Variants in SPRN observed in about 807,000 individuals in gnomAD.
The protein encoded by SPRN is hypothetical protein BC004409.
For missense variants in SPRN, 312 were observed against 241.4 expected (o/e 1.29, Z -1.94); for synonymous variants, 182 against 123.4 (o/e 1.48, Z -3.15).
intron 1 of SPRN, among the ~76,000 whole-genome samples, 174 bp downstream of exon 1, chr10:133,424,299 G>A (rs1333362925): frequency 7.0e-6 from 1 of 142,624 alleles, no homozygotes; most frequent in Non-Finnish European, 1.5e-5. Context: ...CCTCCCGCGC[G>A]CGCCCGGCGC....
In SPRN at chr10:133,423,478, G is replaced by T. The variant is rs1850298281; in HGVS notation, c.204C>A (p.Ala68=). 1.5e-5 allele frequency: 17 copies of T among 1,160,566 alleles called. No homozygotes were observed. The highest frequency in any genetic ancestry group is 4.8e-5 in the Admixed American group (1 of 20,752). The allele number at this position is 1,160,566 out of a possible 1,614,324, so 71.9% of individuals were successfully genotyped here. A position where few individuals can be genotyped will look rare whatever the true frequency, so the allele number is the denominator to read the frequency against. Residue 68 remains alanine (A), a synonymous_variant, in exon 2 of 2, where the codon GCC becomes GCA. Transcript: ENST00000685335. ...CCGCCGCCCCGGCTGCCGCCCCGGC[G>T]GCAGCCACGCGCAGGGAGGAGCCCG... ...GAPGSSLRVA[A]AGAAAGAAAG...
In SPRN at chr10:133,423,483, C is replaced by A; in HGVS notation, c.199G>T (p.Ala67Ser). The change falls in exon 2 of 2, where the codon GCT becomes TCT. Residue 67 changes from alanine (A) to serine (S), a missense_variant. Coordinates refer to ENST00000685335, the MANE Select transcript of SPRN (RefSeq NM_001391974.1). ...YGAPGSSLRV[A>S]AAGAAAGAAA... ...GCCCCGGCTGCCGCCCCGGCGGCAGCCACGCGCAGGGAGGAGCCCGGGGCA... is the reference window on the plus strand; with the variant it reads ...GCCCCGGCTGCCGCCCCGGCGGCAGACACGCGCAGGGAGGAGCCCGGGGCA... 3.4e-6 allele frequency: 4 copies of A among 1,161,246 alleles called. No individual in the cohort carries two copies. Among genetic ancestry groups the A allele is most frequent in the Non-Finnish European group, 4.2e-6 (4 of 946,786 alleles). The allele number at this position is 1,161,246 out of a possible 1,614,324, so 71.9% of individuals were successfully genotyped here. A position where few individuals can be genotyped will look rare whatever the true frequency, so the allele number is the denominator to read the frequency against.
chr10:133,422,987 G>T lies in SPRN; in HGVS notation c.*239C>A, dbSNP rs1313196025. ...CAGGCAGCTGCCTTTTTGGCTGAGG[G>T]GACCCTAACATCCTGGAGTGGGTGG... On this transcript the variant is annotated 3_prime_UTR_variant, in exon 2 of 2. Coordinates refer to ENST00000685335, the MANE Select transcript of SPRN (RefSeq NM_001391974.1). 2 of 418,282 alleles carry T rather than the reference G, an allele frequency of 4.8e-6. No homozygotes were observed. The highest frequency in any genetic ancestry group is 8.5e-6 in the Non-Finnish European group (2 of 235,826). 25.9% of individuals were successfully genotyped at this position (418,282 alleles called of 1,614,324 possible). A position where few individuals can be genotyped will look rare whatever the true frequency, so the allele number is the denominator to read the frequency against.
Position 133,423,216 on chromosome 10 carries a change from C to G in SPRN, c.*10G>C. 1 of 1,412,148 alleles carries G rather than the reference C, an allele frequency of 7.1e-7. No homozygotes were observed. 87.5% of individuals were successfully genotyped at this position (1,412,148 alleles called of 1,614,324 possible). A position where few individuals can be genotyped will look rare whatever the true frequency, so the allele number is the denominator to read the frequency against. On this transcript the variant is annotated 3_prime_UTR_variant, in exon 2 of 2. Coordinates refer to ENST00000685335, the MANE Select transcript of SPRN (RefSeq NM_001391974.1). ...CGGGGGCCAGATGTGGTCCCCGAGC[C>G]CAGCCAGGCCTAGGGCCGCAGCAGC...
chr10:133,423,010 TG>T lies in SPRN; in HGVS notation c.*215del. The T allele has an allele frequency of 2.1e-6, 1 of 465,820 alleles. No individual in the cohort carries two copies. Among genetic ancestry groups the T allele is most frequent in the Non-Finnish European group, 3.8e-6 (1 of 266,548 alleles). 28.9% of individuals were successfully genotyped at this position (465,820 alleles called of 1,614,324 possible). The stretch of plus-strand genomic sequence containing the variant: ...GGGGACCCTAACATCCTGGAGTGGG[TG>T]GGGCAGGGCCCATGGTCTCCTCTAG... On this transcript the variant is annotated 3_prime_UTR_variant, in exon 2 of 2. Transcript: ENST00000685335.
rs1285106861 is a variant in SPRN at position 133,423,593 on chromosome 10, C to T, written c.89G>A (p.Gly30Asp). Reference sequence around the variant, plus strand: ...CCCTCCCCGGGCACTGCCCCGCGCACCTCCGCGGCCGCCCTTGGCTGCGCC... The same window carrying T: ...CCCTCCCCGGGCACTGCCCCGCGCATCTCCGCGGCCGCCCTTGGCTGCGCC... ...DSGAAKGGRG[G>D]ARGSARGGVR... Residue 30 changes from glycine to aspartate, a missense_variant, in exon 2 of 2, where the codon GGT becomes GAT. Coordinates refer to ENST00000685335, the MANE Select transcript of SPRN (RefSeq NM_001391974.1). The T allele has an allele frequency of 5.3e-5, 80 of 1,498,888 alleles. No homozygotes were observed. Among genetic ancestry groups the T allele is most frequent in the Non-Finnish European group, 6.7e-5 (76 of 1,126,586 alleles). The allele number at this position is 1,498,888 out of a possible 1,614,324, so 92.8% of individuals were successfully genotyped here.
At chr10:133,423,952 G>C (rs1180306604) in intron 1 of SPRN, among the ~76,000 whole-genome samples, 1 of 151,324 alleles carries the variant, frequency 6.6e-6, no homozygotes, top group African/African-American at 2.4e-5. Flanking sequence ...ACCTGGATTG[G>C]GGGTGTAGAA....
At position 133,421,085 on chromosome 10, in the gene SPRN, C is replaced by CTTTT. The variant is rs1199349324; in HGVS notation, c.*2140_*2141insAAAA. The CTTTT allele has an allele frequency of 6.6e-6, 1 of 152,318 alleles. No homozygotes were observed. The highest frequency in any genetic ancestry group is 1.5e-5 in the Non-Finnish European group (1 of 68,120). 9.4% of individuals were successfully genotyped at this position (152,318 alleles called of 1,614,324 possible). On this transcript the variant is annotated 3_prime_UTR_variant, in exon 2 of 2. Transcript: ENST00000685335. The stretch of plus-strand genomic sequence containing the variant: ...TCCTGTGCAGAAGCTCCGGCTGCCT[C>CTTTT]TTTGCGGTGGTGGCCTGACCGTCCC...
Position 133,422,926 on chromosome 10 carries a change from C to T in SPRN, c.*300G>A, listed in dbSNP as rs1850278835. The T allele has an allele frequency of 1.7e-5, 5 of 292,942 alleles. No homozygotes were observed. Among genetic ancestry groups the T allele is most frequent in the Non-Finnish European group, 3.2e-5 (5 of 157,948 alleles). 18.1% of individuals were successfully genotyped at this position (292,942 alleles called of 1,614,324 possible). ...GGCCTTGGCACCTCCCTTTGGGCGGCGATGGAGCGTGGCTGGGCGGTTGGT... is the reference window on the plus strand; with the variant it reads ...GGCCTTGGCACCTCCCTTTGGGCGGTGATGGAGCGTGGCTGGGCGGTTGGT... On this transcript the variant is annotated 3_prime_UTR_variant, in exon 2 of 2. Coordinates refer to ENST00000685335, the MANE Select transcript of SPRN (RefSeq NM_001391974.1).
At position 133,422,994 on chromosome 10, in the gene SPRN, A is replaced by G; in HGVS notation, c.*232T>C. 2.3e-6 allele frequency: 1 copy of G among 430,976 alleles called. No individual in the cohort carries two copies. Among genetic ancestry groups the G allele is most frequent in the Non-Finnish European group, 4.1e-6 (1 of 244,022 alleles). 26.7% of individuals were successfully genotyped at this position (430,976 alleles called of 1,614,324 possible). A position where few individuals can be genotyped will look rare whatever the true frequency, so the allele number is the denominator to read the frequency against. ...CTGCCTTTTTGGCTGAGGGGACCCT[A>G]ACATCCTGGAGTGGGTGGGGCAGGG... On this transcript the variant is annotated 3_prime_UTR_variant, in exon 2 of 2. Transcript: ENST00000685335.
chr10:133,422,728 T>A lies in SPRN; in HGVS notation c.*498A>T, dbSNP rs1324580563. ...GGCAGGTGGTTAGCACCTAACGTTT[T>A]TCCCTCACTTCCCCCCAAATTCTTA... On this transcript the variant is annotated 3_prime_UTR_variant, in exon 2 of 2. Coordinates refer to ENST00000685335, the MANE Select transcript of SPRN (RefSeq NM_001391974.1). The A allele has an allele frequency of 6.6e-6, 1 of 152,574 alleles. No homozygotes were observed. The highest frequency in any genetic ancestry group is 2.4e-5 in the African/African-American group (1 of 41,246). 9.5% of individuals were successfully genotyped at this position (152,574 alleles called of 1,614,324 possible).
At position 133,423,414 on chromosome 10, in the gene SPRN, T is replaced by A. The variant is rs1459638069; in HGVS notation, c.268A>T (p.Arg90Ter). The A allele has an allele frequency of 7.0e-7, 1 of 1,425,118 alleles. No homozygotes were observed. The highest frequency in any genetic ancestry group is 2.4e-5 in the Admixed American group (1 of 41,290). The allele number at this position is 1,425,118 out of a possible 1,614,324, so 88.3% of individuals were successfully genotyped here. A position where few individuals can be genotyped will look rare whatever the true frequency, so the allele number is the denominator to read the frequency against. The change falls in exon 2 of 2, where the codon AGA becomes TGA. Residue 90 changes from arginine (R) to a stop codon, truncating the protein, a stop_gained. Coordinates refer to ENST00000685335, the MANE Select transcript of SPRN (RefSeq NM_001391974.1). LOFTEE classifies it low-confidence loss of function (END_TRUNC). ...AAGLAAGSGW[R>*]RAAGPGERGL... ...CGTTCCCCGGGTCCCGCGGCCCTTC[T>A]CCAGCCCGAGCCCGCCGCCAGGCCC... is the stretch of plus-strand genomic sequence containing the variant.
rs1482063956 is a variant in SPRN, at chr10:133,423,502, C to G, written c.180G>C (p.Pro60=). ...CGGCAGCCACGCGCAGGGAGGAGCC[C>G]GGGGCACCGTAGCGCTGCGCCGGCC... ...RVRPAQRYGA[P]GSSLRVAAAG... The change falls in exon 2 of 2, where the codon CCG becomes CCC. Residue 60 remains proline, a synonymous_variant. Coordinates refer to ENST00000685335, the MANE Select transcript of SPRN (RefSeq NM_001391974.1). The G allele has an allele frequency of 3.4e-6, 4 of 1,171,164 alleles. No homozygotes were observed. In the African/African-American group the frequency reaches 4.9e-5, roughly 14 times the overall value. The allele number at this position is 1,171,164 out of a possible 1,614,324, so 72.5% of individuals were successfully genotyped here.
In SPRN at chr10:133,423,118, G is replaced by A; in HGVS notation, c.*108C>T. On this transcript the variant is annotated 3_prime_UTR_variant, in exon 2 of 2. Coordinates refer to ENST00000685335, the MANE Select transcript of SPRN (RefSeq NM_001391974.1). ...GGACAGCCAGCAGCTCCTGCACCCA[G>A]TGGGGCTCCAAGACCGTGGGCAAGG... 8.6e-7 allele frequency: 1 copy of A among 1,162,520 alleles called. No homozygotes were observed. Among genetic ancestry groups the A allele is most frequent in the Non-Finnish European group, 1.2e-6 (1 of 861,638 alleles). 72.0% of individuals were successfully genotyped at this position (1,162,520 alleles called of 1,614,324 possible).
Position 133,423,273 on chromosome 10 carries a change from G to C in SPRN, c.409C>G (p.Leu137Val), listed in dbSNP as rs936458959. The change falls in exon 2 of 2, where the codon CTC (leucine) becomes GTC (valine). Residue 137 changes from leucine to valine, a missense_variant. By Grantham distance (32) the Leu-to-Val change is conservative (BLOSUM62 1). Transcript: ENST00000685335. ...AGPTRGPRLC[L>V]VLGGALGALG... The stretch of plus-strand genomic sequence containing the variant: ...GCTCCGAGGGCGCCGCCCAGCACGA[G>C]ACAGAGACGCGGGCCGCGCGTGGGT... 23 of 1,513,766 alleles carry C rather than the reference G, an allele frequency of 1.5e-5. No homozygotes were observed. In the African/African-American group the frequency reaches 3.3e-4, roughly 22 times the overall value. 93.8% of individuals were successfully genotyped at this position (1,513,766 alleles called of 1,614,324 possible).
In SPRN at chr10:133,422,785, G is replaced by A. The variant is rs1369993319; in HGVS notation, c.*441C>T. 6.3e-6 allele frequency: 1 copy of A among 158,574 alleles called. No individual in the cohort carries two copies. Among genetic ancestry groups the A allele is most frequent in the African/African-American group, 2.4e-5 (1 of 41,738 alleles). The allele number at this position is 158,574 out of a possible 1,614,324, so 9.8% of individuals were successfully genotyped here. ...TTGGTCCATTTCACTGCTTCTTTTG[G>A]GGAGGGTCAGATTCCTCAGGGGCTC... is the stretch of plus-strand genomic sequence containing the variant. On this transcript the variant is annotated 3_prime_UTR_variant, in exon 2 of 2. Transcript: ENST00000685335.
rs1012628649 is a variant in SPRN, at chr10:133,420,850, C to G, written c.*2376G>C. The G allele has an allele frequency of 6.6e-6, 1 of 152,398 alleles. No individual in the cohort carries two copies. The highest frequency in any genetic ancestry group is 2.4e-5 in the African/African-American group (1 of 41,478). The allele number at this position is 152,398 out of a possible 1,614,324, so 9.4% of individuals were successfully genotyped here. On this transcript the variant is annotated 3_prime_UTR_variant, in exon 2 of 2. Coordinates refer to ENST00000685335, the MANE Select transcript of SPRN (RefSeq NM_001391974.1). ...TGACTGGAAGGCCGCCCGGCATGGG[C>G]AGTAGAGACCCCTGGCCTCTGAGCA...
rs990963963 is a variant in SPRN at position 133,423,514 on chromosome 10, G to A, written c.168C>T (p.Arg56=). The A allele has an allele frequency of 7.6e-6, 9 of 1,184,690 alleles. No homozygotes were observed. The highest frequency in any genetic ancestry group is 3.2e-5 in the African/African-American group (2 of 61,934). The allele number at this position is 1,184,690 out of a possible 1,614,324, so 73.4% of individuals were successfully genotyped here. A position where few individuals can be genotyped will look rare whatever the true frequency, so the allele number is the denominator to read the frequency against. ...ASRVRVRPAQ[R]YGAPGSSLRV... ...GCAGGGAGGAGCCCGGGGCACCGTA[G>A]CGCTGCGCCGGCCTCACGCGCACCC... Residue 56 remains arginine (R), a synonymous_variant, in exon 2 of 2, where the codon CGC becomes CGT. Transcript: ENST00000685335.
rs1279305266 is a variant in SPRN, at chr10:133,423,206, G to C, written c.*20C>G. 18 of 1,403,186 alleles carry C rather than the reference G, an allele frequency of 1.3e-5. No individual in the cohort carries two copies. The South Asian group carries it at 2.6e-4, about 20-fold the overall frequency. The allele number at this position is 1,403,186 out of a possible 1,614,324, so 86.9% of individuals were successfully genotyped here. On this transcript the variant is annotated 3_prime_UTR_variant, in exon 2 of 2. Transcript: ENST00000685335. ...TGGCGCGGGCCGGGGGCCAGATGTG[G>C]TCCCCGAGCCCAGCCAGGCCTAGGG...
Sources: gnomAD v4.1 joint callset for allele counts (sites outside exome capture counted in the v4.1 genomes callset) on GRCh38, gnomAD v4.1.1 for gene constraint, MANE v1.5 for transcripts, NCBI Gene and HGNC (gene_info 2026-07-23, HGNC 2026-07-21) for gene names.